Variants in FRMD4A observed in about 807,000 individuals in gnomAD.
FRMD4A encodes FERM domain-containing protein 4A.
In FRMD4A, 29 loss-of-function variants were observed where a neutral mutation model predicts 129.1. That is an observed-to-expected ratio of 0.22 (90% confidence interval 0.17 to 0.31). FRMD4A has a LOEUF of 0.31. FRMD4A is among the 10% of genes least tolerant of loss of function. The pLI is 1.00. For missense variants in FRMD4A, 1,272 were observed against 1,375.8 expected, an observed-to-expected ratio of 0.92 and a Z score of 1.19; for synonymous variants, 634 against 571.6, an observed-to-expected ratio of 1.11 and a Z score of -1.56.
In FRMD4A at chr10:14,076,319, TCATGTAATGAAGCCAGATCCA is replaced by T. The variant is rs1303511858; in HGVS notation, c.46-217428_46-217408del. Reference sequence around the variant, plus strand: ...CATTTCCAGGGCTGGGTTAAAGCCATCATGTAATGAAGCCAGATCCACATTAAAATGTGGATCATGGCCAGG... The same window carrying T: ...CATTTCCAGGGCTGGGTTAAAGCCATCATTAAAATGTGGATCATGGCCAGG... On this transcript the variant is annotated intron_variant, in intron 2 of 24. Coordinates refer to ENST00000357447, the MANE Select transcript of FRMD4A (RefSeq NM_018027.5). Among the ~76,000 whole-genome samples the T allele has an allele frequency of 3.9e-5, 6 of 152,306 alleles. No individual in the cohort carries two copies. In the South Asian group the frequency reaches 1.0e-3, roughly 26 times the overall value.
intron 2 of FRMD4A, among the ~76,000 whole-genome samples, chr10:13,986,548 A>C (rs181685288): frequency 0.018 from 2,603 of 145,660 alleles, 33 homozygotes; most frequent in Non-Finnish European, 0.027. Flanking sequence ...CCTAATGCTA[A>C]ATGACGAGTT....
At chr10:13,771,643 A>G (rs1271535197) in intron 6 of FRMD4A, among the ~76,000 whole-genome samples, 1 of 152,180 alleles carries the variant, frequency 6.6e-6, no homozygotes, top group Admixed American at 6.5e-5. Flanking sequence ...AAATGCTGGT[A>G]CCAACTTCTC....
chr10:14,107,442 T>G (rs1837645664), intron 2 of FRMD4A, among the ~76,000 whole-genome samples: 1 of 152,222 alleles, frequency 6.6e-6, no homozygotes. Context: ...ATATTTAGGA[T>G]TTTTTAAAAA....
intron 2 of FRMD4A, among the ~76,000 whole-genome samples, chr10:14,255,902 A>T (rs1304389321): frequency 6.6e-6 from 1 of 151,728 alleles, no homozygotes; most frequent in Non-Finnish European, 1.5e-5. Context: ...GCTACTCAGG[A>T]GGCTGAGGCA....
chr10:14,282,074 G>A (rs1286211552), intron 2 of FRMD4A, among the ~76,000 whole-genome samples: 2 of 152,100 alleles, frequency 1.3e-5, no homozygotes, highest in Admixed American at 6.5e-5. Context: ...TGAGAACCAA[G>A]CAAAAGGGGT....
intron 2 of FRMD4A, among the ~76,000 whole-genome samples, chr10:13,909,084 T>C (rs2094912908): frequency 6.6e-6 from 1 of 152,254 alleles, no homozygotes; most frequent in Non-Finnish European, 1.5e-5. Context: ...TCAGTTTTCC[T>C]GCAATGTATT....
At chr10:13,950,223 A>G (rs1008220934) in intron 2 of FRMD4A, among the ~76,000 whole-genome samples, 5 of 152,212 alleles carry the variant, frequency 3.3e-5, no homozygotes, top group African/African-American at 4.8e-5. Context: ...AGGCGGAGGC[A>G]AAAAAAGAAA....
At position 14,235,391 on chromosome 10, in the gene FRMD4A, A is replaced by G. The variant is rs370514363; in HGVS notation, c.45+94667T>C. Among the ~76,000 whole-genome samples the G allele has an allele frequency of 2.0e-5, 3 of 151,688 alleles. No individual in the cohort carries two copies. The South Asian group carries it at 6.3e-4, about 32-fold the overall frequency. On this transcript the variant is annotated intron_variant, in intron 2 of 24. Coordinates refer to ENST00000357447, the MANE Select transcript of FRMD4A (RefSeq NM_018027.5). ...TCTCGATCTCCTGACCTCGCGATCC[A>G]CCCACCTCGGTCTCCCAAAGTGCTG...
intron 2 of FRMD4A, among the ~76,000 whole-genome samples, chr10:14,270,707 C>T (rs897881708): frequency 6.6e-6 from 1 of 152,158 alleles, no homozygotes; most frequent in African/African-American, 2.4e-5. Context: ...TTGGAAACTG[C>T]GACTTTAAGT....
At chr10:13,748,206 C>T (rs569105321) in intron 8 of FRMD4A, among the ~76,000 whole-genome samples, 7 of 152,270 alleles carry the variant, frequency 4.6e-5, no homozygotes, top group African/African-American at 9.6e-5. Flanking sequence ...CCCAGAACCC[C>T]GCCGTTAGGC....
intron 2 of FRMD4A, among the ~76,000 whole-genome samples, chr10:13,988,061 C>A (rs982145005): frequency 6.6e-6 from 1 of 152,152 alleles, no homozygotes; most frequent in African/African-American, 2.4e-5. Context: ...TCTGATCAGA[C>A]AGTAGGCAAA....
intron 14 of FRMD4A, among the ~76,000 whole-genome samples, chr10:13,696,148 T>G (rs1169466801): frequency 6.6e-6 from 1 of 152,196 alleles, no homozygotes; most frequent in African/African-American, 2.4e-5. Context: ...ATTTCCTTGT[T>G]CATAAAACAA....
intron 2 of FRMD4A, among the ~76,000 whole-genome samples, chr10:14,198,812 C>T (rs189123554): frequency 1.5e-3 from 235 of 152,254 alleles, no homozygotes; most frequent in Non-Finnish European, 2.4e-3. Flanking sequence ...ATTCCAACTC[C>T]GCATTTTATG....
intron 2 of FRMD4A, among the ~76,000 whole-genome samples, chr10:14,010,714 T>C (rs1172329058): frequency 7.1e-6 from 1 of 141,052 alleles, no homozygotes; most frequent in Non-Finnish European, 1.5e-5. Flanking sequence ...CTCACTATAT[T>C]GCTCAGGGTG....
At chr10:13,819,143 A>G (rs1316263550) in intron 3 of FRMD4A, among the ~76,000 whole-genome samples, 1 of 117,828 alleles carries the variant, frequency 8.5e-6, no homozygotes, top group East Asian at 2.4e-4. Context: ...AAACAAAACA[A>G]AACAAAACAA....
chr10:14,039,296 C>T (rs1215896070), intron 2 of FRMD4A, among the ~76,000 whole-genome samples: 1 of 151,984 alleles, frequency 6.6e-6, no homozygotes, highest in Non-Finnish European at 1.5e-5. Context: ...AAAGGTTTTT[C>T]ACATCTAAAA....
At chr10:13,907,442 C>G (rs1008394768) in intron 2 of FRMD4A, among the ~76,000 whole-genome samples, 2 of 152,086 alleles carry the variant, frequency 1.3e-5, no homozygotes, top group Non-Finnish European at 2.9e-5. Context: ...AAGTCTATAC[C>G]TAGAAAGTTG....
At chr10:13,719,000 T>C (rs1184850149) in intron 12 of FRMD4A, among the ~76,000 whole-genome samples, 1 of 152,058 alleles carries the variant, frequency 6.6e-6, no homozygotes, top group Non-Finnish European at 1.5e-5. Flanking sequence ...AAGAGCTTTT[T>C]GAGATATTAG....
chr10:13,906,164 C>T (rs900360630), intron 2 of FRMD4A, among the ~76,000 whole-genome samples: 1 of 152,240 alleles, frequency 6.6e-6, no homozygotes, highest in African/African-American at 2.4e-5. Flanking sequence ...ACGTAACCCT[C>T]ATGGCAATCA....
Sources: allele counts gnomAD v4.1 joint callset (sites outside exome capture counted in the v4.1 genomes callset), GRCh38; gene constraint gnomAD v4.1.1; transcripts MANE v1.5; gene names NCBI Gene and HGNC (gene_info 2026-07-23, HGNC 2026-07-21).